SUMF1: variants seen among roughly 807,000 people sequenced by gnomAD.
SUMF1 encodes the protein formylglycine-generating enzyme.
In SUMF1, 48 loss-of-function variants were observed where a neutral mutation model predicts 47.6. The ratio of observed to expected loss-of-function variants is 1.01; its 90% CI spans 0.80 to 1.28. The LOEUF is 1.28. Ranked by LOEUF, SUMF1 falls within the 50% of genes most tolerant of loss-of-function variation. The pLI, the probability that SUMF1 is intolerant of heterozygous loss-of-function variation, is 0.00. For missense variants in SUMF1, 571 were observed against 485.4 expected, an observed-to-expected ratio of 1.18 and a Z score of -1.66; for synonymous variants, 230 against 192.1, an observed-to-expected ratio of 1.20 and a Z score of -1.63.
intron 8 of SUMF1, among the ~76,000 whole-genome samples, chr3:4,119,096 C>G (rs918458555): frequency 6.6e-6 from 1 of 152,114 alleles, no homozygotes; most frequent in Non-Finnish European, 1.5e-5. Flanking sequence ...ATTTTTCATT[C>G]CAGCTAATGG....
chr3:4,405,163 C>A (rs962157662), intron 7 of SUMF1, among the ~76,000 whole-genome samples: 1 of 152,138 alleles, frequency 6.6e-6, no homozygotes, highest in Non-Finnish European at 1.5e-5. Context: ...TGCCCTAAGT[C>A]CTATCATGCA....
chr3:4,291,762 C>T (rs995016800), intron 8 of SUMF1, among the ~76,000 whole-genome samples: 3 of 151,960 alleles, frequency 2.0e-5, no homozygotes, highest in African/African-American at 4.8e-5. Flanking sequence ...AACAGGGAAG[C>T]AAAAAAATGT....
At chr3:4,377,018 C>A (rs1319961129) in intron 7 of SUMF1, among the ~76,000 whole-genome samples, 3 of 152,080 alleles carry the variant, frequency 2.0e-5, no homozygotes, top group Non-Finnish European at 4.4e-5. Context: ...CCAGGCTGGT[C>A]TTGAACTACT....
rs748173156 is a variant in SUMF1 at position 4,045,642 on chromosome 3, G to T, written c.1191+22927C>A. ...TCACTGCTCTTTCCTAACAGGCCTT[G>T]TGATTTTGTTTTCCAGATTCTGCAT... On this transcript the variant is annotated intron_variant and NMD_transcript_variant, in intron 9 of 12. Coordinates refer to the SUMF1 transcript ENST00000448413. Among the ~76,000 whole-genome samples the T allele has an allele frequency of 2.6e-5, 4 of 152,038 alleles. No individual in the cohort carries two copies. In the South Asian group the frequency reaches 8.3e-4, roughly 32 times the overall value.
At chr3:4,153,989 T>C (rs1434997433) in intron 8 of SUMF1, among the ~76,000 whole-genome samples, 4 of 151,604 alleles carry the variant, frequency 2.6e-5, no homozygotes, top group Non-Finnish European at 4.4e-5. Flanking sequence ...CATTCATTCC[T>C]TCAACTTGCA....
At chr3:4,098,650 C>T (rs1454745370) in intron 8 of SUMF1, among the ~76,000 whole-genome samples, 2 of 152,102 alleles carry the variant, frequency 1.3e-5, no homozygotes, top group African/African-American at 4.8e-5. Flanking sequence ...ACAATATTTT[C>T]CCCCTAGAAA....
intron 8 of SUMF1, among the ~76,000 whole-genome samples, chr3:4,215,000 T>C (rs1039800988): frequency 6.6e-6 from 1 of 151,874 alleles, no homozygotes. Context: ...CATTCTGCAA[T>C]GATTTCAAAC....
At chr3:4,436,011 G>C (rs979933933) in intron 3 of SUMF1, among the ~76,000 whole-genome samples, 4 of 152,382 alleles carry the variant, frequency 2.6e-5, no homozygotes, top group Non-Finnish European at 5.9e-5. Flanking sequence ...GCGGGGTGCA[G>C]TGATGCACAT....
At chr3:4,100,322 G>C (rs1000140319) in intron 8 of SUMF1, among the ~76,000 whole-genome samples, 2 of 151,788 alleles carry the variant, frequency 1.3e-5, no homozygotes, top group African/African-American at 4.8e-5. Flanking sequence ...AAATGGCATA[G>C]GACTGGCATA....
At chr3:4,246,547 G>T (rs984578884) in intron 8 of SUMF1, among the ~76,000 whole-genome samples, 2 of 151,872 alleles carry the variant, frequency 1.3e-5, no homozygotes, top group Non-Finnish European at 2.9e-5. Flanking sequence ...GACTACAGGC[G>T]CACGCCACCA....
chr3:4,043,826 T>C (rs890377911), intron 9 of SUMF1, among the ~76,000 whole-genome samples: 9 of 152,184 alleles, frequency 5.9e-5, no homozygotes, highest in African/African-American at 2.2e-4. Flanking sequence ...AACTATTCTT[T>C]TTTTTAAGGT....
chr3:4,220,007 G>C (rs1420028824), intron 8 of SUMF1, among the ~76,000 whole-genome samples: 1 of 152,170 alleles, frequency 6.6e-6, no homozygotes, highest in Non-Finnish European at 1.5e-5. Flanking sequence ...AACTGTCTGA[G>C]ATTACTGCAG....
intron 8 of SUMF1, among the ~76,000 whole-genome samples, chr3:4,177,010 C>T (rs1161846809): frequency 1.3e-5 from 2 of 152,094 alleles, no homozygotes; most frequent in African/African-American, 4.8e-5. Flanking sequence ...ATATATGCAC[C>T]CAATACAGGA....
At chr3:4,222,715 A>C (rs1696093805) in intron 8 of SUMF1, among the ~76,000 whole-genome samples, 1 of 152,174 alleles carries the variant, frequency 6.6e-6, no homozygotes, top group African/African-American at 2.4e-5. Flanking sequence ...AAGTGAAACC[A>C]GCAGATGGAA....
At chr3:4,107,204 C>G (rs1693178130) in intron 8 of SUMF1, among the ~76,000 whole-genome samples, 1 of 152,088 alleles carries the variant, frequency 6.6e-6, no homozygotes, top group East Asian at 1.9e-4. Context: ...AGTAAACTGT[C>G]CAGGAGCTAA....
At chr3:4,179,138 C>T (rs1471277564) in intron 8 of SUMF1, among the ~76,000 whole-genome samples, 2 of 152,128 alleles carry the variant, frequency 1.3e-5, no homozygotes, top group African/African-American at 2.4e-5. Context: ...TCAGTGCCAT[C>T]CCCATCAAGC....
At chr3:4,260,127 A>T (rs754005202) in intron 8 of SUMF1, among the ~76,000 whole-genome samples, 11 of 152,156 alleles carry the variant, frequency 7.2e-5, no homozygotes, top group Non-Finnish European at 1.5e-4. Context: ...ATACTTCTAG[A>T]TCATCAGGGT....
intron 7 of SUMF1, among the ~76,000 whole-genome samples, chr3:4,380,749 C>T (rs1056217298): frequency 2.0e-5 from 3 of 152,114 alleles, no homozygotes; most frequent in African/African-American, 7.2e-5. Context: ...CTTGCATGGT[C>T]GCAAGAACAG....
intron 8 of SUMF1, chr3:4,316,187 T>A: frequency 3.0e-6 from 2 of 663,050 alleles, no homozygotes; most frequent in South Asian, 3.3e-5. Flanking sequence ...AATGACATCT[T>A]ACTTGCTGTT....
Sources: allele counts gnomAD v4.1 joint callset (sites outside exome capture counted in the v4.1 genomes callset), GRCh38; gene constraint gnomAD v4.1.1; transcripts MANE v1.5; gene names NCBI Gene and HGNC (gene_info 2026-07-23, HGNC 2026-07-21).